Variants in PIGO observed in about 807,000 individuals in gnomAD.
The protein encoded by PIGO is phosphatidylinositol glycan anchor biosynthesis class O.
A neutral mutation model predicts 86.9 loss-of-function variants in PIGO; 66 were observed. The ratio of observed to expected loss-of-function variants is 0.76; its 90% CI spans 0.62 to 0.93. The LOEUF (loss-of-function observed/expected upper bound fraction) is 0.93, where lower values mean the gene tolerates loss of function less well. Ranked by LOEUF, PIGO falls within the 40% of genes least tolerant of loss-of-function variation. PIGO has a pLI of 0.00. For synonymous variants in PIGO, 570 were observed against 556.4 expected (o/e 1.02, Z -0.34); for missense variants, 1,202 against 1,359.1 (o/e 0.88, Z 1.82).
In PIGO at chr9:35,091,305, A is replaced by G; in HGVS notation, c.2582T>C (p.Leu861Pro). ...HAERISLVFL[L>P]LFLQSFLLLH... Reference sequence around the variant, plus strand: ...GAGAAGGAAGCTCTGCAGAAACAGAAGCAGGAACACAAGGCTGATGCGCTC... The same window carrying G: ...GAGAAGGAAGCTCTGCAGAAACAGAGGCAGGAACACAAGGCTGATGCGCTC... The change falls in exon 7 of 11, where the codon CTT becomes CCT. Residue 861 changes from leucine (L) to proline (P), a missense_variant. Leu to Pro is a moderately conservative substitution (Grantham distance 98). Coordinates refer to ENST00000378617, the MANE Select transcript of PIGO (RefSeq NM_032634.4). 1.9e-6 allele frequency: 3 copies of G among 1,613,870 alleles called. No homozygotes were observed. Among genetic ancestry groups the G allele is most frequent in the Non-Finnish European group, 2.5e-6 (3 of 1,179,842 alleles).
intron 9 of PIGO, 39 bp downstream of exon 9, chr9:35,090,027 G>GA (rs1829339467): frequency 6.3e-7 from 1 of 1,588,830 alleles, no homozygotes; most frequent in Non-Finnish European, 8.6e-7. Flanking sequence ...CACACACAGA[G>GA]AAAAAACACC....
rs767750872 is a variant in PIGO, at chr9:35,090,547, G to A, written c.2773C>T (p.Pro925Ser). 3.7e-6 allele frequency: 6 copies of A among 1,614,104 alleles called. No homozygotes were observed. The Admixed American group carries it at 1.0e-4, about 27-fold the overall frequency. The change falls in exon 8 of 11, where the codon CCA becomes TCA. Residue 925 changes from proline to serine, a missense_variant. Transcript: ENST00000378617. Reference sequence around the variant, plus strand: ...CAAGTACAGGAGCCATGACCCTCTGGGAATCCCACGAAGGCTGCATGCCAA... The same window carrying A: ...CAAGTACAGGAGCCATGACCCTCTGAGAATCCCACGAAGGCTGCATGCCAA... Reference protein sequence around the residue: ...IHWHAAFVGFPEGHGSCTWLP... With the variant: ...IHWHAAFVGFSEGHGSCTWLP...
intron 7 of PIGO, 74 bp from the exon 8 acceptor site, chr9:35,090,746 T>C: frequency 7.3e-7 from 1 of 1,369,734 alleles, no homozygotes. Flanking sequence ...CACAATCATA[T>C]ACTCCTACTA....
rs1342382561 is a variant in PIGO, at chr9:35,090,249, G to C, written c.2886C>G (p.Phe962Leu). 2.5e-6 allele frequency: 4 copies of C among 1,614,160 alleles called. No individual in the cohort carries two copies. The highest frequency in any genetic ancestry group is 1.1e-5 in the South Asian group (1 of 91,082). Residue 962 changes from phenylalanine (F) to leucine (L), a missense_variant, in exon 9 of 11, where the codon TTC (phenylalanine) becomes TTG (leucine). Physicochemically the swap from Phe to Leu is conservative, Grantham distance 22. Transcript: ENST00000378617. ...TCCGCAGCCCTTGACTCTCACACAGGAAAGGCCAGAGCAGGAGCAGTGGGC... is the reference window on the plus strand; with the variant it reads ...TCCGCAGCCCTTGACTCTCACACAGCAAAGGCCAGAGCAGGAGCAGTGGGC... ...VGCPLLLLWP[F>L]LCESQGLRKR...
chr9:35,091,954 T>C lies in PIGO; in HGVS notation c.1933A>G (p.Thr645Ala). ...AGLFHRCPEE[T>A]PVCHSSPWLS... is the part of the protein sequence containing the mutation. ...CAGGGAGAGGAGTGGCAAACAGGTG[T>C]CTCTTCAGGGCAACGATGAAAAAGC... Residue 645 changes from threonine (T) to alanine (A), a missense_variant, in exon 7 of 11, where the codon ACA (threonine) becomes GCA (alanine). By Grantham distance (58) the Thr-to-Ala change is moderately conservative. Coordinates refer to ENST00000378617, the MANE Select transcript of PIGO (RefSeq NM_032634.4). The C allele has an allele frequency of 6.2e-7, 1 of 1,614,054 alleles. No individual in the cohort carries two copies. Among genetic ancestry groups the C allele is most frequent in the Non-Finnish European group, 8.5e-7 (1 of 1,180,018 alleles).
intron 6 of PIGO, 127 bp from the exon 7 acceptor site, chr9:35,092,894 G>A (rs1209093203): frequency 1.5e-5 from 21 of 1,373,936 alleles, no homozygotes; most frequent in Non-Finnish European, 2.0e-5. Context: ...CAGAATCGGG[G>A]AAGGGAGGGA....
In PIGO at chr9:35,090,294, G is replaced by C. The variant is rs770045301; in HGVS notation, c.2855-14C>G. Reference sequence around the variant, plus strand: ...GTGGGCAACCTACTGCCTCAAGAGAGGGTATGGCTGGAATCAACAGGCCAC... The same window carrying C: ...GTGGGCAACCTACTGCCTCAAGAGACGGTATGGCTGGAATCAACAGGCCAC... On this transcript the variant is annotated splice_polypyrimidine_tract_variant and intron_variant, in intron 8 of 10. Coordinates refer to ENST00000378617, the MANE Select transcript of PIGO (RefSeq NM_032634.4). The C allele has an allele frequency of 1.6e-5, 25 of 1,608,708 alleles. No homozygotes were observed. The highest frequency in any genetic ancestry group is 4.4e-5 in the South Asian group (4 of 90,942).
Position 35,091,362 on chromosome 9 carries a change from A to G in PIGO, c.2525T>C (p.Leu842Pro). The stretch of plus-strand genomic sequence containing the variant: ...CAACAGCAGAAGTGGGAAGGCCAAC[A>G]GGGTGAGGGCTGTGACCATAGCAGC... ...YSAAMVTALT[L>P]LAFPLLLLHA... Residue 842 changes from leucine (L) to proline (P), a missense_variant, in exon 7 of 11, where the codon CTG becomes CCG. Transcript: ENST00000378617. 1 of 1,614,240 alleles carries G rather than the reference A, an allele frequency of 6.2e-7. No individual in the cohort carries two copies. Among genetic ancestry groups the G allele is most frequent in the Non-Finnish European group, 8.5e-7 (1 of 1,180,036 alleles).
rs1237579146 is a variant in PIGO at position 35,091,957 on chromosome 9, C to T, written c.1930G>A (p.Glu644Lys). The change falls in exon 7 of 11, where the codon GAG becomes AAG. Residue 644 changes from glutamate (E) to lysine (K), a missense_variant. Transcript: ENST00000378617. ...GGAGAGGAGTGGCAAACAGGTGTCT[C>T]TTCAGGGCAACGATGAAAAAGCCCA... Reference protein sequence around the residue: ...LAGLFHRCPEETPVCHSSPWL... With the variant: ...LAGLFHRCPEKTPVCHSSPWL... 1 of 1,614,248 alleles carries T rather than the reference C, an allele frequency of 6.2e-7. No individual in the cohort carries two copies. Among genetic ancestry groups the T allele is most frequent in the Admixed American group, 1.7e-5 (1 of 60,032 alleles).
chr9:35,093,820 C>A, intron 4 of PIGO, 81 bp downstream of exon 4: 1 of 1,563,414 alleles, frequency 6.4e-7, no homozygotes, highest in South Asian at 1.2e-5. Context: ...AGAATTCAGC[C>A]AGGAAAGAAG....
intron 7 of PIGO, 154 bp downstream of exon 7, chr9:35,091,086 A>G (rs1587161055): frequency 1.2e-6 from 1 of 840,338 alleles, no homozygotes; most frequent in East Asian, 2.6e-5. Flanking sequence ...TATGGCAGGT[A>G]AGAGAGAGGA....
At position 35,092,596 on chromosome 9, in the gene PIGO, A is replaced by G. The variant is rs775311429; in HGVS notation, c.1291T>C (p.Phe431Leu). 6.2e-7 allele frequency: 1 copy of G among 1,614,252 alleles called. No individual in the cohort carries two copies. The highest frequency in any genetic ancestry group is 8.5e-7 in the Non-Finnish European group (1 of 1,180,040). Residue 431 changes from phenylalanine (F) to leucine (L), a missense_variant, in exon 7 of 11, where the codon TTC becomes CTC. Transcript: ENST00000378617. ...CACATGGCCCGAGCTCCCCGCAGGA[A>G]CTGCTGCAGCTCAGCAATCACAGTC... ...LPTVIAELQQFLRGARAMCIE... is the reference protein window; with the variant it reads ...LPTVIAELQQLLRGARAMCIE...
At chr9:35,093,650 C>T (rs924283578) in intron 4 of PIGO, 70 bp from the exon 5 acceptor site, 62 of 1,487,936 alleles carry the variant, frequency 4.2e-5, no homozygotes, top group Middle Eastern at 4.4e-4. Flanking sequence ...AAAGATTTTT[C>T]TCCAGGGGCC....
At position 35,089,012 on chromosome 9, in the gene PIGO, A is replaced by G; in HGVS notation, c.*80T>C. 1 of 1,575,418 alleles carries G rather than the reference A, an allele frequency of 6.3e-7. No homozygotes were observed. The highest frequency in any genetic ancestry group is 1.2e-5 in the South Asian group (1 of 86,848). ...GAGTATGGCTGAGCCTGTCTTGCAGATCATCCAGTACCTGTACAGGCCAGG... is the reference window on the plus strand; with the variant it reads ...GAGTATGGCTGAGCCTGTCTTGCAGGTCATCCAGTACCTGTACAGGCCAGG... On this transcript the variant is annotated 3_prime_UTR_variant, in exon 11 of 11. Transcript: ENST00000378617.
rs1219652385 is a variant in PIGO at position 35,094,371 on chromosome 9, T to C, written c.512-12A>G. 1 of 1,595,828 alleles carries C rather than the reference T, an allele frequency of 6.3e-7. No individual in the cohort carries two copies. The highest frequency in any genetic ancestry group is 1.9e-5 in the Admixed American group (1 of 53,296). On this transcript the variant is annotated splice_polypyrimidine_tract_variant and intron_variant, in intron 2 of 10. Coordinates refer to ENST00000378617, the MANE Select transcript of PIGO (RefSeq NM_032634.4). Reference sequence around the variant, plus strand: ...GACTACACGCCTTCCTGCAGGGACATGAAAGAGAAGTCAGAGCCTGAGCAA... The same window carrying C: ...GACTACACGCCTTCCTGCAGGGACACGAAAGAGAAGTCAGAGCCTGAGCAA...
At position 35,091,891 on chromosome 9, in the gene PIGO, T is replaced by C. The variant is rs1776319765; in HGVS notation, c.1996A>G (p.Lys666Glu). ...PLASMVGGRAKNLWYGACVAA... is the reference protein window; with the variant it reads ...PLASMVGGRAENLWYGACVAA... ...ACACAAGCTCCATACCACAAATTCT[T>C]GGCTCGACCACCCACCATGGATGCC... The change falls in exon 7 of 11, where the codon AAG (lysine) becomes GAG (glutamate). Residue 666 changes from lysine (K) to glutamate (E), a missense_variant. Lys to Glu is a moderately conservative substitution (Grantham distance 56, BLOSUM62 1). Transcript: ENST00000378617. 1 of 1,614,160 alleles carries C rather than the reference T, an allele frequency of 6.2e-7. No homozygotes were observed. The highest frequency in any genetic ancestry group is 8.5e-7 in the Non-Finnish European group (1 of 1,180,036).
chr9:35,093,009 A>C, intron 6 of PIGO, 21 bp downstream of exon 6: 1 of 1,595,184 alleles, frequency 6.3e-7, no homozygotes, highest in Non-Finnish European at 8.6e-7. Flanking sequence ...TGTCACCTGG[A>C]AACCCAGCCC....
At chr9:35,094,080 C>G in intron 3 of PIGO, 56 bp from the exon 4 acceptor site, 2 of 1,589,204 alleles carry the variant, frequency 1.3e-6, no homozygotes, top group Non-Finnish European at 1.7e-6. Context: ...TCAACCCCAG[C>G]CAGGCTTTGA....
At position 35,095,585 on chromosome 9, in the gene PIGO, T is replaced by C; in HGVS notation, c.-1-19A>G. ...CTGCATCCTGATAGGGGTGGGGAAGTAAATTCATTACTGTGGGGCAAAGAA... is the reference window on the plus strand; with the variant it reads ...CTGCATCCTGATAGGGGTGGGGAAGCAAATTCATTACTGTGGGGCAAAGAA... On this transcript the variant is annotated intron_variant, in intron 1 of 10. Transcript: ENST00000378617. 6.6e-7 allele frequency: 1 copy of C among 1,517,208 alleles called. No homozygotes were observed. Among genetic ancestry groups the C allele is most frequent in the Non-Finnish European group, 8.8e-7 (1 of 1,136,312 alleles). The allele number at this position is 1,517,208 out of a possible 1,614,324, so 94.0% of individuals were successfully genotyped here. A position where few individuals can be genotyped will look rare whatever the true frequency, so the allele number is the denominator to read the frequency against.
Sources: allele counts gnomAD v4.1 joint callset, GRCh38; gene constraint gnomAD v4.1.1; transcripts MANE v1.5; gene names NCBI Gene and HGNC (gene_info 2026-07-23, HGNC 2026-07-21).